RASGRP1: variants seen among roughly 807,000 people sequenced by gnomAD.
RASGRP1 encodes the protein RAS guanyl releasing protein 1.
In RASGRP1, 37 loss-of-function variants were observed where a neutral mutation model predicts 95.1. The observed-to-expected ratio is 0.39, with a 90% CI of 0.30 to 0.51. The LOEUF is 0.51. RASGRP1 is among the 20% of genes least tolerant of loss of function. The pLI is 0.80. For missense variants in RASGRP1, 711 were observed against 965.4 expected (o/e 0.74, Z 3.49); for synonymous variants, 325 against 353.4 (o/e 0.92, Z 0.90).
intron 2 of RASGRP1, among the ~76,000 whole-genome samples, chr15:38,536,284 C>T (rs1247661531): frequency 1.3e-5 from 2 of 152,210 alleles, no homozygotes; most frequent in African/African-American, 4.8e-5. Flanking sequence ...CAGCGGGGCC[C>T]TGTCCTAGCT....
At position 38,489,842 on chromosome 15, in the gene RASGRP1, A is replaced by G. The variant is rs1890501438; in HGVS notation, c.*712T>C. On this transcript the variant is annotated 3_prime_UTR_variant, in exon 17 of 17. Transcript: ENST00000310803. ...ACAGTAATATGAGATGGTAATAGCTATGTTTCCAGGTACCTAATTTGATTA... is the reference window on the plus strand; with the variant it reads ...ACAGTAATATGAGATGGTAATAGCTGTGTTTCCAGGTACCTAATTTGATTA... 1 of 151,976 alleles carries G rather than the reference A, an allele frequency of 6.6e-6. No homozygotes were observed. Among genetic ancestry groups the G allele is most frequent in the African/African-American group, 2.4e-5 (1 of 41,388 alleles). The allele number at this position is 151,976 out of a possible 1,614,324, so 9.4% of individuals were successfully genotyped here. A position where few individuals can be genotyped will look rare whatever the true frequency, so the allele number is the denominator to read the frequency against.
intron 2 of RASGRP1, among the ~76,000 whole-genome samples, chr15:38,548,164 T>G (rs1367219771): frequency 6.6e-6 from 1 of 152,210 alleles, no homozygotes; most frequent in South Asian, 2.1e-4. Context: ...AGCCACTCTA[T>G]TTTGCCACCT....
At position 38,490,506 on chromosome 15, in the gene RASGRP1, A is replaced by G; in HGVS notation, c.*48T>C. 1 of 1,578,850 alleles carries G rather than the reference A, an allele frequency of 6.3e-7. No homozygotes were observed. Among genetic ancestry groups the G allele is most frequent in the Non-Finnish European group, 8.6e-7 (1 of 1,163,606 alleles). On this transcript the variant is annotated 3_prime_UTR_variant, in exon 17 of 17. Coordinates refer to ENST00000310803, the MANE Select transcript of RASGRP1 (RefSeq NM_005739.4). Reference sequence around the variant, plus strand: ...CAGGTCTGTGCATTACAGTTTAGGAAATGAGATCACTATACTCATCTACAG... The same window carrying G: ...CAGGTCTGTGCATTACAGTTTAGGAGATGAGATCACTATACTCATCTACAG...
chr15:38,559,005 G>A (rs1350512242), intron 2 of RASGRP1, among the ~76,000 whole-genome samples: 1 of 151,998 alleles, frequency 6.6e-6, no homozygotes, highest in Non-Finnish European at 1.5e-5. Flanking sequence ...GGGAGATGGA[G>A]GGATACAAAA....
chr15:38,510,471 C>T (rs1891461047), intron 8 of RASGRP1, among the ~76,000 whole-genome samples: 1 of 152,212 alleles, frequency 6.6e-6, no homozygotes, highest in Admixed American at 6.5e-5. Context: ...GGGAGCTGAA[C>T]ACCTGGGAAA....
At chr15:38,512,425 T>C (rs1338606195) in intron 7 of RASGRP1, among the ~76,000 whole-genome samples, 17 of 152,242 alleles carry the variant, frequency 1.1e-4, no homozygotes, top group Non-Finnish European at 2.9e-5. Flanking sequence ...CAATCCAGGA[T>C]GGTCCAGCTC....
rs1358738270 is a variant in RASGRP1, at chr15:38,507,833, TC to T, written c.1134del (p.Asn379ThrfsTer35). 2 of 1,613,420 alleles carry T rather than the reference TC, an allele frequency of 1.2e-6. No homozygotes were observed. ...AMPDYLEDGK[V>X]NVHKLLALYN... ...TATAGGGCCAGTAGCTTATGGACGT[TC>T]ACTTTCCCGTCCTCCAGATAGTCAG... On this transcript the variant is annotated frameshift_variant, in exon 9 of 17. Transcript: ENST00000310803. LOFTEE classifies it high-confidence loss of function.
intron 2 of RASGRP1, among the ~76,000 whole-genome samples, chr15:38,553,293 C>T (rs1338614174): frequency 2.0e-5 from 3 of 152,182 alleles, no homozygotes; most frequent in Admixed American, 6.5e-5. Context: ...GGCTGGGGCC[C>T]GAACTGTAGA....
chr15:38,538,008 A>T (rs1326589403), intron 2 of RASGRP1, among the ~76,000 whole-genome samples: 1 of 152,190 alleles, frequency 6.6e-6, no homozygotes, highest in Admixed American at 6.5e-5. Context: ...TCATGCCTGT[A>T]ATCCCAGCAC....
intron 7 of RASGRP1, 105 bp from the exon 8 acceptor site, chr15:38,511,825 G>A: frequency 1.3e-6 from 1 of 744,538 alleles, no homozygotes. Context: ...CCCTTACGCT[G>A]GTTAAAGACT....
At position 38,507,747 on chromosome 15, in the gene RASGRP1, C is replaced by T; in HGVS notation, c.1221G>A (p.Lys407=). The change falls in exon 9 of 17, where the codon AAG becomes AAA. Residue 407 remains lysine, a synonymous_variant. Transcript: ENST00000310803. ...TCACCGTCAGCAAGTGTACCAAGTC[C>T]TTGTTAGCCTCCAAGGGTGGGGCCA... The part of the protein sequence containing the change: ...QEVAPPLEAN[K]DLVHLLTLSL... 1 of 1,575,152 alleles carries T rather than the reference C, an allele frequency of 6.3e-7. No individual in the cohort carries two copies. Among genetic ancestry groups the T allele is most frequent in the Non-Finnish European group, 8.6e-7 (1 of 1,159,764 alleles).
intron 2 of RASGRP1, among the ~76,000 whole-genome samples, chr15:38,554,567 A>G (rs1414241357): frequency 6.6e-6 from 1 of 152,330 alleles, no homozygotes; most frequent in Non-Finnish European, 1.5e-5. Flanking sequence ...GGGATTTCCC[A>G]TCTCCTCCTT....
intron 2 of RASGRP1, among the ~76,000 whole-genome samples, chr15:38,558,949 G>C (rs762987445): frequency 6.6e-6 from 1 of 152,102 alleles, no homozygotes; most frequent in Non-Finnish European, 1.5e-5. Flanking sequence ...GCTTGGGGGG[G>C]TTGGTATGTC....
chr15:38,495,533 G>A (rs1241392537), intron 15 of RASGRP1, among the ~76,000 whole-genome samples: 2 of 152,160 alleles, frequency 1.3e-5, no homozygotes, highest in African/African-American at 4.8e-5. Context: ...TGACTTTGAA[G>A]ACATTGGATT....
intron 3 of RASGRP1, among the ~76,000 whole-genome samples, chr15:38,524,663 G>A (rs1346700134): frequency 1.3e-5 from 2 of 152,178 alleles, no homozygotes; most frequent in Non-Finnish European, 2.9e-5. Flanking sequence ...GTAGTAAAGA[G>A]ATTGGAGATA....
rs572554961 is a variant in RASGRP1 at position 38,527,643 on chromosome 15, T to C, written c.221-1239A>G. On this transcript the variant is annotated intron_variant, in intron 2 of 16. Coordinates refer to ENST00000310803, the MANE Select transcript of RASGRP1 (RefSeq NM_005739.4). The stretch of plus-strand genomic sequence containing the variant: ...TATCAAATGAAAGAATATACATGAA[T>C]TGTTTTGTCATCTGTATTGCTCTTT... Among the ~76,000 whole-genome samples, 4 of 133,120 alleles carry C rather than the reference T, an allele frequency of 3.0e-5. No individual in the cohort carries two copies. In the South Asian group the frequency reaches 1.1e-3, roughly 35 times the overall value. The allele number at this position is 133,120 out of a possible 152,430, so 87.3% of individuals were successfully genotyped here.
intron 1 of RASGRP1, 93 bp downstream of exon 1, chr15:38,564,501 C>G (rs1893951894): frequency 1.7e-6 from 2 of 1,209,618 alleles, no homozygotes; most frequent in South Asian, 6.8e-5. Flanking sequence ...CCTCCGCCCT[C>G]AACTTCCCTC....
intron 2 of RASGRP1, among the ~76,000 whole-genome samples, chr15:38,554,454 T>C (rs1893467520): frequency 6.6e-6 from 1 of 152,210 alleles, no homozygotes; most frequent in Admixed American, 6.5e-5. Flanking sequence ...CTGCTCAGAA[T>C]TCCTGAGACA....
rs2141200292 is a variant in RASGRP1, at chr15:38,559,958, G to C, written c.83C>G (p.Ala28Gly). 1 of 1,613,568 alleles carries C rather than the reference G, an allele frequency of 6.2e-7. No homozygotes were observed. The highest frequency in any genetic ancestry group is 1.1e-5 in the South Asian group (1 of 90,952). ...GGGGAAGGGGCTGTTGGCTGGCTTT[G>C]CCTCTAGTCTTGCTTTAGAGGCAGC... ...CRAASKARLE[A>G]KPANSPFPSH... Residue 28 changes from alanine to glycine, a missense_variant, in exon 2 of 17, where the codon GCA becomes GGA. Coordinates refer to ENST00000310803, the MANE Select transcript of RASGRP1 (RefSeq NM_005739.4).
Sources: gnomAD v4.1 joint callset for allele counts (sites outside exome capture counted in the v4.1 genomes callset) on GRCh38, gnomAD v4.1.1 for gene constraint, MANE v1.5 for transcripts, NCBI Gene and HGNC (gene_info 2026-07-23, HGNC 2026-07-21) for gene names.